The following ADGRB2 variants were observed in gnomAD, a reference collection of about 807,000 sequenced individuals.
ADGRB2 encodes the protein adhesion G protein-coupled receptor B2, also known as brain-specific angiogenesis inhibitor 2.
ADGRB2 carries 47 observed loss-of-function variants against 178.7 expected under a neutral mutation model. The ratio of observed to expected loss-of-function variants is 0.26; its 90% CI spans 0.21 to 0.34. The LOEUF (loss-of-function observed/expected upper bound fraction) is 0.34, where lower values mean the gene tolerates loss of function less well. Among genes scored for constraint, ADGRB2 ranks in the 10% least tolerant of loss-of-function variants. The pLI, the probability that ADGRB2 is intolerant of heterozygous loss-of-function variation, is 1.00. For missense variants in ADGRB2, 1,584 were observed against 2,180.8 expected (o/e 0.73, Z 5.45); for synonymous variants, 870 against 912.4 (o/e 0.95, Z 0.84).
rs749455495 is a variant in ADGRB2, at chr1:31,731,377, G to A, written c.3803C>T (p.Thr1268Met). Residue 1268 changes from threonine (T) to methionine (M), a missense_variant, in exon 29 of 33, where the codon ACG (threonine) becomes ATG (methionine). This residue lies in a region of ADGRB2 where 865 missense variants were observed against 1,192.8 expected (regional missense o/e 0.73). Coordinates refer to ENST00000373658, the MANE Select transcript of ADGRB2 (RefSeq NM_001364857.2). ...EVNTCNPSTI[T>M]GTLSRLSLDE... ...CAGGGACAGGCGGGATAGTGTGCCC[G>A]TGATGGTGGACGGGTTGCAAGTGTT... The A allele has an allele frequency of 9.9e-6, 16 of 1,611,138 alleles. No homozygotes were observed. Among genetic ancestry groups the A allele is most frequent in the Middle Eastern group, 1.6e-4 (1 of 6,080 alleles).
In ADGRB2 at chr1:31,736,665, C is replaced by G; in HGVS notation, c.3038G>C (p.Trp1013Ser). 1.2e-6 allele frequency: 2 copies of G among 1,614,092 alleles called. No homozygotes were observed. Among genetic ancestry groups the G allele is most frequent in the Non-Finnish European group, 1.7e-6 (2 of 1,179,976 alleles). Residue 1013 changes from tryptophan to serine, a missense_variant, in exon 21 of 33, where the codon TGG becomes TCG. Trp to Ser is a radical substitution (Grantham distance 177). Around this residue, in one of 3 missense-constraint regions of ADGRB2, gnomAD observed 865 missense variants for 1,192.8 expected, o/e 0.73. Transcript: ENST00000373658. ...GGACTGCCAGGCCTCGGTAAGCACCCAGCAAAAGGAGGAGAGAAAGAAGAA... is the reference window on the plus strand; with the variant it reads ...GGACTGCCAGGCCTCGGTAAGCACCGAGCAAAAGGAGGAGAGAAAGAAGAA... ...LHFFFLSSFC[W>S]VLTEAWQSYL...
At chr1:31,737,982 C>T (rs1206386347) in intron 18 of ADGRB2, among the ~76,000 whole-genome samples, 1 of 151,864 alleles carries the variant, frequency 6.6e-6, no homozygotes, top group African/African-American at 2.4e-5. Flanking sequence ...CACATGTGCA[C>T]ACACACACAC....
Position 31,728,173 on chromosome 1 carries a change from A to T in ADGRB2, c.4515+9T>A, listed in dbSNP as rs1445029171. On this transcript the variant is annotated intron_variant, in intron 31 of 32. Transcript: ENST00000373658. This position sits in a 1 kb window ranked among gnomAD's most constrained non-coding sequence, Gnocchi z 6.7. ...TCAGGGCAGGGGCAGCCACGGGAGG[A>T]GCCCTCACCTTGGCCGTGGACTGGC... 2.5e-6 allele frequency: 4 copies of T among 1,614,068 alleles called. No homozygotes were observed. Among genetic ancestry groups the T allele is most frequent in the Non-Finnish European group, 3.4e-6 (4 of 1,180,000 alleles).
rs1023223338 is a variant in ADGRB2, at chr1:31,735,897, G to A, written c.3201-4C>T. ...GCCCTCCAGGGAGAGCCAGCAGCTG[G>A]GGTGGGGGAGAAGAAGGGTGTCAGA... On this transcript the variant is annotated splice_region_variant and splice_polypyrimidine_tract_variant and intron_variant, in intron 22 of 32. Transcript: ENST00000373658. This position sits in a 1 kb window ranked among gnomAD's most constrained non-coding sequence, Gnocchi z 6.0. 3.8e-6 allele frequency: 6 copies of A among 1,586,348 alleles called. No individual in the cohort carries two copies. The Admixed American group carries it at 1.1e-4, about 29-fold the overall frequency.
chr1:31,733,183 G>A lies in ADGRB2; in HGVS notation c.3453-40C>T, dbSNP rs759773019. On this transcript the variant is annotated intron_variant, in intron 25 of 32. Coordinates refer to ENST00000373658, the MANE Select transcript of ADGRB2 (RefSeq NM_001364857.2). This position sits in a 1 kb window ranked among gnomAD's most constrained non-coding sequence, Gnocchi z 4.3. ...GCAGAGCCCATCAGAGTGACACTCC[G>A]GGGGACAGGATGGCTTGAGCCTAGG... The A allele has an allele frequency of 3.7e-5, 58 of 1,547,252 alleles. No homozygotes were observed. The highest frequency in any genetic ancestry group is 2.9e-4 in the Admixed American group (15 of 51,266).
rs1185046957 is a variant in ADGRB2 at position 31,758,661 on chromosome 1, G to A, written c.-190-1150C>T. The A allele has an allele frequency of 1.3e-5, 2 of 155,162 alleles. No individual in the cohort carries two copies. The highest frequency in any genetic ancestry group is 3.8e-4 in the East Asian group (2 of 5,198). 9.6% of individuals were successfully genotyped at this position (155,162 alleles called of 1,614,324 possible). A position where few individuals can be genotyped will look rare whatever the true frequency, so the allele number is the denominator to read the frequency against. On this transcript the variant is annotated intron_variant, in intron 1 of 32. Coordinates refer to ENST00000373658, the MANE Select transcript of ADGRB2 (RefSeq NM_001364857.2). The surrounding 1 kb of genome is among the most constrained non-coding windows in gnomAD (Gnocchi z 4.2). ...GCATCTTCCCCTCCCAGCCATACAG[G>A]GGCTGGGGGAGATGGTGGAGTAGCT...
chr1:31,736,980 G>A (rs1287078722), intron 20 of ADGRB2, among the ~76,000 whole-genome samples: 1 of 152,224 alleles, frequency 6.6e-6, no homozygotes, highest in East Asian at 1.9e-4. Flanking sequence ...GGCAGGGAGG[G>A]GGACAGACAT....
At chr1:31,737,332 CACT>C (rs755509594) in intron 20 of ADGRB2, 94 bp downstream of exon 20, 91 of 1,146,468 alleles carry the variant, frequency 7.9e-5, no homozygotes, top group Non-Finnish European at 1.1e-4. Flanking sequence ...CATACACCAC[CACT>C]AATGGACGTA....
At position 31,759,358 on chromosome 1, in the gene ADGRB2, C is replaced by T. The variant is rs771639328; in HGVS notation, c.-190-1847G>A. The T allele has an allele frequency of 1.0e-5, 8 of 779,706 alleles. No homozygotes were observed. In the South Asian group the frequency reaches 1.1e-4, roughly 10 times the overall value. The allele number at this position is 779,706 out of a possible 1,614,324, so 48.3% of individuals were successfully genotyped here. ...CCCTCTGAGGCTCAGCATATGACAG[C>T]TAAGTGTCAGGCAGGATCCTCTGCG... On this transcript the variant is annotated intron_variant, in intron 1 of 32. Transcript: ENST00000373658. This position sits in a 1 kb window ranked among gnomAD's most constrained non-coding sequence, Gnocchi z 4.3.
Position 31,731,143 on chromosome 1 carries a change from C to T in ADGRB2, c.4037G>A (p.Gly1346Asp), listed in dbSNP as rs1401398550. The T allele has an allele frequency of 6.3e-7, 1 of 1,594,426 alleles. No individual in the cohort carries two copies. The highest frequency in any genetic ancestry group is 8.5e-7 in the Non-Finnish European group (1 of 1,171,168). Residue 1346 changes from glycine (G) to aspartate (D), a missense_variant, in exon 29 of 33, where the codon GGC (glycine) becomes GAC (aspartate). Physicochemically the swap from Gly to Asp is moderately conservative, Grantham distance 94. This residue lies in a region of ADGRB2 where 865 missense variants were observed against 1,192.8 expected (regional missense o/e 0.73). Transcript: ENST00000373658. ...DLTWLRPTEP[G>D]SEGDYMVLPR... The stretch of plus-strand genomic sequence containing the variant: ...CAGCACCATGTAGTCTCCCTCAGAG[C>T]CTGGCTCAGTGGGCCGCAGCCATGT...
In ADGRB2 at chr1:31,733,246, G is replaced by T; in HGVS notation, c.3453-103C>A. The T allele has an allele frequency of 7.5e-7, 1 of 1,331,216 alleles. No individual in the cohort carries two copies. Among genetic ancestry groups the T allele is most frequent in the East Asian group, 2.5e-5 (1 of 39,606 alleles). 82.5% of individuals were successfully genotyped at this position (1,331,216 alleles called of 1,614,324 possible). ...TGGAGCTCTTCAGCTGCCCAAGACTGGGAGGGCCCCAAACCCCAGGGCCTC... is the reference window on the plus strand; with the variant it reads ...TGGAGCTCTTCAGCTGCCCAAGACTTGGAGGGCCCCAAACCCCAGGGCCTC... On this transcript the variant is annotated intron_variant, in intron 25 of 32. Transcript: ENST00000373658. This position sits in a 1 kb window ranked among gnomAD's most constrained non-coding sequence, Gnocchi z 4.3.
chr1:31,749,635 G>A (rs1429080782), intron 4 of ADGRB2, among the ~76,000 whole-genome samples: 1 of 152,260 alleles, frequency 6.6e-6, no homozygotes, highest in African/African-American at 2.4e-5. Flanking sequence ...GATGTCAGCT[G>A]AATGAGGTGG....
At chr1:31,737,362 C>A (rs1645672338) in intron 20 of ADGRB2, 67 bp downstream of exon 20, 2 of 1,437,698 alleles carry the variant, frequency 1.4e-6, no homozygotes, top group Middle Eastern at 1.8e-4. Flanking sequence ...AACACACACA[C>A]TGCGCTCTCC....
chr1:31,756,503 G>A lies in ADGRB2; in HGVS notation c.334C>T (p.Pro112Ser). Residue 112 changes from proline to serine, a missense_variant, in exon 4 of 33, where the codon CCT (proline) becomes TCT (serine). By Grantham distance (74) the Pro-to-Ser change is moderately conservative (BLOSUM62 -1). Transcript: ENST00000373658. The surrounding 1 kb of genome is among the most constrained non-coding windows in gnomAD (Gnocchi z 8.5). ...HYLVNFTCLR[P>S]SPEEAVAQAE... ...TGGGCCACCGCCTCCTCGGGGCTAG[G>A]CCGCAGGCAGGTAAAGTTGACCAGG... 8.7e-6 allele frequency: 14 copies of A among 1,612,988 alleles called. No individual in the cohort carries two copies. The highest frequency in any genetic ancestry group is 1.2e-5 in the Non-Finnish European group (14 of 1,179,624).
At chr1:31,732,452 G>C (rs1353974325) in intron 27 of ADGRB2, 65 bp downstream of exon 27, 1 of 1,562,518 alleles carries the variant, frequency 6.4e-7, no homozygotes, top group African/African-American at 1.4e-5. Flanking sequence ...AATGGTCTAG[G>C]GCAGGAGGAT....
intron 29 of ADGRB2, among the ~76,000 whole-genome samples, chr1:31,730,394 A>G (rs956290276): frequency 1.3e-5 from 2 of 152,236 alleles, no homozygotes; most frequent in Non-Finnish European, 2.9e-5. Context: ...CTGCTACGGT[A>G]TCCCCACTTT....
chr1:31,752,930 A>T (rs1646651433), intron 4 of ADGRB2, among the ~76,000 whole-genome samples: 1 of 152,122 alleles, frequency 6.6e-6, no homozygotes, highest in South Asian at 2.1e-4. Flanking sequence ...GAGCCTGATG[A>T]TGGGGAGGGT....
chr1:31,764,076 G>A lies in ADGRB2; in HGVS notation c.-383C>T. On this transcript the variant is annotated 5_prime_UTR_variant, in exon 1 of 33. Coordinates refer to ENST00000373658, the MANE Select transcript of ADGRB2 (RefSeq NM_001364857.2). The surrounding 1 kb of genome is among the most constrained non-coding windows in gnomAD (Gnocchi z 7.3). Reference sequence around the variant, plus strand: ...GCCGCGGAGCAGCGCGGGGCGGGCGGGCGGGCGGCGCCGGGCCGGGCGCGG... The same window carrying A: ...GCCGCGGAGCAGCGCGGGGCGGGCGAGCGGGCGGCGCCGGGCCGGGCGCGG... 3 of 959,266 alleles carry A rather than the reference G, an allele frequency of 3.1e-6. No homozygotes were observed. The highest frequency in any genetic ancestry group is 3.7e-6 in the Non-Finnish European group (3 of 810,854). The allele number at this position is 959,266 out of a possible 1,614,324, so 59.4% of individuals were successfully genotyped here.
In ADGRB2 at chr1:31,738,636, G is replaced by A. The variant is rs375982282; in HGVS notation, c.2602-6C>T. On this transcript the variant is annotated splice_polypyrimidine_tract_variant and splice_region_variant and intron_variant, in intron 16 of 32. Transcript: ENST00000373658. ...CAATGGGGATCCGTGGTCCCCTGGGGAGCAAAAGACATGAGTGCAGTCTAG... is the reference window on the plus strand; with the variant it reads ...CAATGGGGATCCGTGGTCCCCTGGGAAGCAAAAGACATGAGTGCAGTCTAG... The A allele has an allele frequency of 1.5e-4, 237 of 1,612,362 alleles. No homozygotes were observed. The highest frequency in any genetic ancestry group is 5.0e-4 in the Middle Eastern group (3 of 6,052).
Sources: allele counts gnomAD v4.1 joint callset (sites outside exome capture counted in the v4.1 genomes callset), GRCh38; gene constraint gnomAD v4.1.1; regional missense constraint gnomAD v4.1.1; non-coding constraint Gnocchi (gnomAD v3.1); transcripts MANE v1.5; gene names NCBI Gene and HGNC (gene_info 2026-07-23, HGNC 2026-07-21).